The following ZNF398 variants were observed in gnomAD, a reference collection of about 807,000 sequenced individuals.
The protein encoded by ZNF398 is zinc finger protein 398.
A neutral mutation model predicts 41.9 loss-of-function variants in ZNF398; 18 were observed. The observed-to-expected ratio is 0.43, with a 90% CI of 0.30 to 0.64. ZNF398 has a LOEUF of 0.64. Ranked by LOEUF, ZNF398 falls within the 30% of genes least tolerant of loss-of-function variation. The probability of loss-of-function intolerance (pLI) is 0.14; values close to 1 mark genes in which losing one functional copy is unlikely to be tolerated. For missense variants in ZNF398, 669 were observed against 822.8 expected (o/e 0.81, Z 2.29); for synonymous variants, 260 against 308.8 (o/e 0.84, Z 1.66).
intron 2 of ZNF398, among the ~76,000 whole-genome samples, chr7:149,131,654 C>G (rs1826597582): frequency 6.6e-6 from 1 of 152,152 alleles, no homozygotes; most frequent in African/African-American, 2.4e-5. Flanking sequence ...CCACTGCACT[C>G]CAGCCTGGGC....
chr7:149,183,024 TA>T lies in ZNF398; in HGVS notation c.*3241del, dbSNP rs1204360454. 1.4e-3 allele frequency among the ~76,000 whole-genome samples: 180 copies of T among 125,396 alleles called. No homozygotes were observed. Among genetic ancestry groups the T allele is most frequent in the African/African-American group, 3.6e-3 (120 of 32,898 alleles). The allele number at this position is 125,396 out of a possible 152,430, so 82.3% of individuals were successfully genotyped here. A position where few individuals can be genotyped will look rare whatever the true frequency, so the allele number is the denominator to read the frequency against. On this transcript the variant is annotated 3_prime_UTR_variant, in exon 6 of 6. Coordinates refer to ENST00000475153, the MANE Select transcript of ZNF398 (RefSeq NM_170686.3). Reference sequence around the variant, plus strand: ...CAGTCCACACAAGCCTCGTTGATATTAAAAAAAAAAAAAAAAAAGGACCTCA... The same window carrying T: ...CAGTCCACACAAGCCTCGTTGATATTAAAAAAAAAAAAAAAAAGGACCTCA...
chr7:149,170,083 T>C (rs998197248), intron 4 of ZNF398, among the ~76,000 whole-genome samples: 1 of 152,204 alleles, frequency 6.6e-6, no homozygotes, highest in Non-Finnish European at 1.5e-5. Context: ...GCTAATCACA[T>C]GCATACCCTC....
In ZNF398 at chr7:149,179,222, A is replaced by G. The variant is rs1795537807; in HGVS notation, c.1350A>G (p.Ala450=). 6.2e-7 allele frequency: 1 copy of G among 1,613,018 alleles called. No individual in the cohort carries two copies. Among genetic ancestry groups the G allele is most frequent in the African/African-American group, 1.3e-5 (1 of 74,838 alleles). ...TCACCAGCCACCGGAGAGCTCATGC[A>G]AGCGAAAGGCCCTTCCGCTGTGCCC... ...ARLTSHRRAH[A]SERPFRCAQC... Residue 450 remains alanine, a synonymous_variant, in exon 6 of 6, where the codon GCA becomes GCG. Transcript: ENST00000475153. The surrounding 1 kb of genome is among the most constrained non-coding windows in gnomAD (Gnocchi z 6.1).
chr7:149,126,875 G>T (rs1382987663), intron 1 of ZNF398, among the ~76,000 whole-genome samples: 2 of 152,186 alleles, frequency 1.3e-5, no homozygotes, highest in Non-Finnish European at 2.9e-5. Context: ...ACCACGTCCG[G>T]TCCCCGTGGG....
At chr7:149,148,126 C>G (rs1203259214) in intron 1 of ZNF398, 3 of 258,630 alleles carry the variant, frequency 1.2e-5, no homozygotes, top group Admixed American at 5.4e-5. Context: ...GCCATTCTCG[C>G]GGCCGCGGGA....
rs755120629 is a variant in ZNF398 at position 149,179,314 on chromosome 7, G to A, written c.1442G>A (p.Arg481His). The change falls in exon 6 of 6, where the codon CGC becomes CAC. Residue 481 changes from arginine to histidine, a missense_variant. Arg to His is a conservative substitution (Grantham distance 29). Coordinates refer to ENST00000475153, the MANE Select transcript of ZNF398 (RefSeq NM_170686.3). The surrounding 1 kb of genome is among the most constrained non-coding windows in gnomAD (Gnocchi z 6.1). ...LLHQRGHAQE[R>H]PFSCPQCGID... ...CACCAGCGGGGTCATGCACAAGAGC[G>A]CCCTTTCTCCTGCCCTCAGTGTGGC... The A allele has an allele frequency of 5.6e-6, 9 of 1,612,944 alleles. No individual in the cohort carries two copies. Among genetic ancestry groups the A allele is most frequent in the Admixed American group, 5.0e-5 (3 of 59,998 alleles).
At chr7:149,172,115 A>G (rs1795356230) in intron 4 of ZNF398, among the ~76,000 whole-genome samples, 1 of 152,192 alleles carries the variant, frequency 6.6e-6, no homozygotes, top group African/African-American at 2.4e-5. Flanking sequence ...GGTACAGCCA[A>G]CCACTCATCA....
At chr7:149,148,297 G>A (rs889556229) in intron 1 of ZNF398, 12 of 247,796 alleles carry the variant, frequency 4.8e-5, no homozygotes, top group African/African-American at 2.3e-4. Flanking sequence ...CGGACCCGGA[G>A]GCTGGAGTGG....
At chr7:149,146,224 C>G (rs148162858), upstream of ZNF398, among the ~76,000 whole-genome samples, 10 of 152,122 alleles carry the variant, frequency 6.6e-5, no homozygotes, top group East Asian at 1.9e-3. Context: ...CAGGCGTGAG[C>G]CACTGCGCTC....
chr7:149,138,532 A>T (rs1826761125), intron 2 of ZNF398, among the ~76,000 whole-genome samples: 1 of 152,246 alleles, frequency 6.6e-6, no homozygotes, highest in Admixed American at 6.5e-5. Flanking sequence ...ATGAGCCGAG[A>T]TCGTGCCACT....
intron 2 of ZNF398, among the ~76,000 whole-genome samples, chr7:149,139,267 T>C (rs896228261): frequency 2.0e-5 from 3 of 151,688 alleles, no homozygotes; most frequent in African/African-American, 7.3e-5. Context: ...ACAATGTTGC[T>C]AAGCTGGTCT....
Position 149,154,099 on chromosome 7 carries a change from A to G in ZNF398, c.179A>G (p.His60Arg). 6.2e-7 allele frequency: 1 copy of G among 1,614,044 alleles called. No homozygotes were observed. Among genetic ancestry groups the G allele is most frequent in the Non-Finnish European group, 8.5e-7 (1 of 1,179,934 alleles). The change falls in exon 2 of 6, where the codon CAC (histidine) becomes CGC (arginine). Residue 60 changes from histidine (H) to arginine (R), a missense_variant. His to Arg is a conservative substitution (Grantham distance 29, BLOSUM62 0). Transcript: ENST00000475153. Reference sequence around the variant, plus strand: ...GCTATAGAGAGGAAGGTGGAGATCCACAGCCGGCGACTCCTACACCTGGAA... The same window carrying G: ...GCTATAGAGAGGAAGGTGGAGATCCGCAGCCGGCGACTCCTACACCTGGAA... ...VQAIERKVEI[H>R]SRRLLHLEGR...
At chr7:149,169,431 T>C (rs13239776) in intron 4 of ZNF398, among the ~76,000 whole-genome samples, 1 of 152,028 alleles carries the variant, frequency 6.6e-6, no homozygotes. Flanking sequence ...ACAATTTCTT[T>C]CGTTTGTTTG....
rs920603566 is a variant in ZNF398 at position 149,178,825 on chromosome 7, A to T, written c.953A>T (p.Glu318Val). ...PFGRPATDLP[E>V]ASEGQVTFTQ... Reference sequence around the variant, plus strand: ...GGACGTCCAGCCACTGACCTGCCTGAAGCCTCTGAGGGACAAGTGACTTTT... The same window carrying T: ...GGACGTCCAGCCACTGACCTGCCTGTAGCCTCTGAGGGACAAGTGACTTTT... The change falls in exon 6 of 6, where the codon GAA becomes GTA. Residue 318 changes from glutamate to valine, a missense_variant. Coordinates refer to ENST00000475153, the MANE Select transcript of ZNF398 (RefSeq NM_170686.3). 1.2e-6 allele frequency: 2 copies of T among 1,614,192 alleles called. No homozygotes were observed. Among genetic ancestry groups the T allele is most frequent in the Non-Finnish European group, 8.5e-7 (1 of 1,180,040 alleles).
intron 2 of ZNF398, among the ~76,000 whole-genome samples, chr7:149,160,881 G>T (rs1441950980): frequency 2.6e-5 from 4 of 151,964 alleles, no homozygotes; most frequent in Non-Finnish European, 4.4e-5. Context: ...AGTTTTCTCA[G>T]TCAGGAGGCA....
chr7:149,143,441 C>G (rs565313682), upstream of ZNF398, among the ~76,000 whole-genome samples: 26 of 152,248 alleles, frequency 1.7e-4, no homozygotes, highest in African/African-American at 6.0e-4. Context: ...TGATTCTGTG[C>G]AAAGGAAGAT....
intron 2 of ZNF398, among the ~76,000 whole-genome samples, chr7:149,157,265 T>G (rs1795000082): frequency 6.6e-6 from 1 of 152,160 alleles, no homozygotes; most frequent in South Asian, 2.1e-4. Context: ...CGGGGCACGG[T>G]GGCTAATGCC....
At chr7:149,167,331 G>A (rs187298149) in intron 4 of ZNF398, among the ~76,000 whole-genome samples, 92 of 152,302 alleles carry the variant, frequency 6.0e-4, no homozygotes, top group Non-Finnish European at 7.6e-4. Context: ...GGAACCAGTA[G>A]ACACTGATGA....
intron 4 of ZNF398, among the ~76,000 whole-genome samples, chr7:149,172,716 G>A (rs375653512): frequency 6.6e-6 from 1 of 152,178 alleles, no homozygotes; most frequent in East Asian, 1.9e-4. Flanking sequence ...TACGGCCACA[G>A]TGTGTGATAA....
Sources: allele counts gnomAD v4.1 joint callset (sites outside exome capture counted in the v4.1 genomes callset), GRCh38; gene constraint gnomAD v4.1.1; non-coding constraint Gnocchi (gnomAD v3.1); transcripts MANE v1.5; gene names NCBI Gene and HGNC (gene_info 2026-07-23, HGNC 2026-07-21).